GSDMD: variants seen among roughly 807,000 people sequenced by gnomAD.
The protein encoded by GSDMD is gasdermin D.
GSDMD carries 46 observed loss-of-function variants against 46.7 expected under a neutral mutation model. The observed-to-expected ratio is 0.99, with a 90% CI of 0.78 to 1.26. The LOEUF (loss-of-function observed/expected upper bound fraction) is 1.26, where lower values mean the gene tolerates loss of function less well. Ranked by LOEUF, GSDMD falls within the 50% of genes most tolerant of loss-of-function variation. GSDMD has a pLI of 0.00. For synonymous variants in GSDMD, 307 were observed against 283.1 expected, an observed-to-expected ratio of 1.08 and a Z score of -0.85; for missense variants, 649 against 638.8, an observed-to-expected ratio of 1.02 and a Z score of -0.17.
At chr8:143,559,725 G>A in intron 2 of GSDMD, 52 bp from the exon 3 acceptor site, 4 of 1,536,098 alleles carry the variant, frequency 2.6e-6, no homozygotes, top group Non-Finnish European at 2.6e-6. Flanking sequence ...GCTGGTGGGG[G>A]CGGGGGAGAG....
rs555337354 is a variant in GSDMD, at chr8:143,562,368, G to T, written c.1138+18G>T. 9.9e-6 allele frequency: 15 copies of T among 1,516,474 alleles called. No homozygotes were observed. In the Admixed American group the frequency reaches 1.8e-4, roughly 18 times the overall value. 93.9% of individuals were successfully genotyped at this position (1,516,474 alleles called of 1,614,324 possible). A position where few individuals can be genotyped will look rare whatever the true frequency, so the allele number is the denominator to read the frequency against. Reference sequence around the variant, plus strand: ...ACTGACCAGTGAGCGGCCGCTGGGGGCAGGTGGCGGGTGGGAGGGAGGGAG... The same window carrying T: ...ACTGACCAGTGAGCGGCCGCTGGGGTCAGGTGGCGGGTGGGAGGGAGGGAG... On this transcript the variant is annotated intron_variant, in intron 9 of 10. Transcript: ENST00000262580.
chr8:143,554,897 G>C (rs79555316), upstream of GSDMD, among the ~76,000 whole-genome samples: 824 of 152,374 alleles, frequency 5.4e-3, 7 homozygotes, highest in African/African-American at 0.018. Flanking sequence ...AGCTGGACCA[G>C]AGCTAGAAGC....
In GSDMD at chr8:143,562,460, C is replaced by A; in HGVS notation, c.1151C>A (p.Thr384Lys). 1 of 1,608,814 alleles carries A rather than the reference C, an allele frequency of 6.2e-7. No individual in the cohort carries two copies. The highest frequency in any genetic ancestry group is 8.5e-7 in the Non-Finnish European group (1 of 1,179,410). ...LLGALTMLSETQHKLLAEALE... is the reference protein window; with the variant it reads ...LLGALTMLSEKQHKLLAEALE... The stretch of plus-strand genomic sequence containing the variant: ...GACTCTCTCCCAGTGCTGAGTGAAA[C>A]GCAGCACAAGCTGCTGGCGGAGGCG... Residue 384 changes from threonine to lysine, a missense_variant, in exon 10 of 11, where the codon ACG becomes AAG. By Grantham distance (78) the Thr-to-Lys change is moderately conservative. Transcript: ENST00000262580.
At position 143,562,137 on chromosome 8, in the gene GSDMD, C is replaced by T. The variant is rs199942404; in HGVS notation, c.996+6C>T. The T allele has an allele frequency of 2.2e-4, 346 of 1,597,836 alleles. 2 individuals carry two copies. The African/African-American group carries it at 2.8e-3, about 13-fold the overall frequency. On this transcript the variant is annotated splice_donor_region_variant and intron_variant, in intron 8 of 10. Transcript: ENST00000262580. Reference sequence around the variant, plus strand: ...TGCGAGCCTTGGAGGAGGCGGTGAGCGGGGGAGGGTGCCCGGGGCACACAA... The same window carrying T: ...TGCGAGCCTTGGAGGAGGCGGTGAGTGGGGGAGGGTGCCCGGGGCACACAA...
chr8:143,554,012 A>C (rs1488663045), upstream of GSDMD, among the ~76,000 whole-genome samples: 2 of 150,876 alleles, frequency 1.3e-5, 1 homozygote, highest in Non-Finnish European at 3.0e-5. Context: ...GGAGGCCGCC[A>C]CCTCCTGCCG....
At chr8:143,554,272 C>A (rs1327143485), upstream of GSDMD, among the ~76,000 whole-genome samples, 4 of 152,258 alleles carry the variant, frequency 2.6e-5, no homozygotes, top group Non-Finnish European at 5.9e-5. Context: ...CATATAAATG[C>A]AGATGCGTGC....
intron 1 of GSDMD, 52 bp from the exon 2 acceptor site, chr8:143,559,280 T>TTGCCCCC: frequency 3.6e-5 from 21 of 579,402 alleles, no homozygotes; most frequent in Non-Finnish European, 5.5e-5. Flanking sequence ...CTTCTCCCAC[T>TTGCCCCC]CCCTCCCGCC....
intron 6 of GSDMD, 135 bp from the exon 7 acceptor site, chr8:143,561,606 TC>T: frequency 1.1e-6 from 1 of 930,894 alleles, no homozygotes; most frequent in East Asian, 2.6e-5. Context: ...CTCCCCAGCC[TC>T]CCTTCCTGCC....
intron 1 of GSDMD, 157 bp downstream of exon 1, chr8:143,558,608 G>C: frequency 1.4e-6 from 1 of 736,620 alleles, no homozygotes; most frequent in Non-Finnish European, 2.1e-6. Flanking sequence ...CTTCGGGAAA[G>C]GCTGCCCCTG....
At position 143,562,325 on chromosome 8, in the gene GSDMD, T is replaced by C; in HGVS notation, c.1113T>C (p.Val371=). 6.5e-7 allele frequency: 1 copy of C among 1,539,140 alleles called. No homozygotes were observed. The highest frequency in any genetic ancestry group is 1.7e-4 in the Middle Eastern group (1 of 5,858). ...GMLVPELAIP[V]VYLLGALTML... is the part of the protein sequence containing the mutation. ...TGGTGCCGGAACTCGCTATCCCTGT[T>C]GTCTACCTGCTGGGGGCACTGACCA... Residue 371 remains valine, a synonymous_variant, in exon 9 of 11, where the codon GTT becomes GTC. Transcript: ENST00000262580.
Position 143,561,362 on chromosome 8 carries a change from G to A in GSDMD, c.683-8G>A. ...GCCTGTCCCTGTCTGCTCCCGTCTG[G>A]CTGCCAGACGTCCTTCTCTTCCCGG... On this transcript the variant is annotated splice_region_variant and splice_polypyrimidine_tract_variant and intron_variant, in intron 5 of 10. Transcript: ENST00000262580. 1.2e-6 allele frequency: 2 copies of A among 1,603,898 alleles called. No homozygotes were observed. The highest frequency in any genetic ancestry group is 1.7e-5 in the Admixed American group (1 of 59,070).
rs577037853 is a variant in GSDMD, at chr8:143,561,372, G to T, written c.685G>T (p.Val229Phe). Residue 229 changes from valine (V) to phenylalanine (F), a missense_variant and splice_region_variant, in exon 6 of 11, where the codon GTC becomes TTC. Transcript: ENST00000262580. ...GTCTGCTCCCGTCTGGCTGCCAGAC[G>T]TCCTTCTCTTCCCGGATAAGAAGCA... ...AQLVIDSDLDVLLFPDKKQRT... is the reference protein window; with the variant it reads ...AQLVIDSDLDFLLFPDKKQRT... 13 of 1,608,668 alleles carry T rather than the reference G, an allele frequency of 8.1e-6. No individual in the cohort carries two copies. The East Asian group carries it at 2.5e-4, about 30-fold the overall frequency.
chr8:143,557,696 G>A (rs1426002234), upstream of GSDMD, among the ~76,000 whole-genome samples: 6 of 152,346 alleles, frequency 3.9e-5, no homozygotes, highest in Non-Finnish European at 8.8e-5. Flanking sequence ...GTGACTCCAC[G>A]TGCCCCCCGC....
At chr8:143,554,437 CACA>C (rs139689040), upstream of GSDMD, among the ~76,000 whole-genome samples, 72 of 149,898 alleles carry the variant, frequency 4.8e-4, no homozygotes, top group East Asian at 0.013. Flanking sequence ...CACAAACATG[CACA>C]AAACACGGAC....
At chr8:143,559,282 C>A in intron 1 of GSDMD, 50 bp from the exon 2 acceptor site, 6 of 436,030 alleles carry the variant, frequency 1.4e-5, no homozygotes, top group South Asian at 1.8e-5. Context: ...TCTCCCACTC[C>A]CTCCCGCCCG....
chr8:143,559,240 C>G, intron 1 of GSDMD, 92 bp from the exon 2 acceptor site: 2 of 796,036 alleles, frequency 2.5e-6, no homozygotes, highest in East Asian at 2.7e-5. Flanking sequence ...GAAGGAGTCC[C>G]CCATCATGGG....
At position 143,560,729 on chromosome 8, in the gene GSDMD, G is replaced by A. The variant is rs923846353; in HGVS notation, c.537G>A (p.Glu179=). 3 of 1,567,648 alleles carry A rather than the reference G, an allele frequency of 1.9e-6. No individual in the cohort carries two copies. In the African/African-American group the frequency reaches 4.1e-5, roughly 21 times the overall value. The change falls in exon 4 of 11, where the codon GAG becomes GAA. Residue 179 remains glutamate, a synonymous_variant. Coordinates refer to ENST00000262580, the MANE Select transcript of GSDMD (RefSeq NM_024736.7). The stretch of plus-strand genomic sequence containing the variant: ...AAGTCACGCGCACCCACAAGCGGGA[G>A]GGCTCGGGCCGGTTTTCCCTGCCCG... The part of the protein sequence containing the change: ...EVEVTRTHKR[E]GSGRFSLPGA...
chr8:143,560,196 C>T (rs1563905484), intron 3 of GSDMD: 1 of 698,868 alleles, frequency 1.4e-6, no homozygotes, highest in Non-Finnish European at 2.6e-6. Context: ...TTGGGAAGGT[C>T]ACAACCTTGG....
At chr8:143,558,293 G>A (rs1184896853), upstream of GSDMD, 10 of 1,492,998 alleles carry the variant, frequency 6.7e-6, no homozygotes, top group South Asian at 1.3e-5. Context: ...GGCCGGGGCG[G>A]GCTCTCCGGG....
Sources: allele counts gnomAD v4.1 joint callset (sites outside exome capture counted in the v4.1 genomes callset), GRCh38; gene constraint gnomAD v4.1.1; transcripts MANE v1.5; gene names NCBI Gene and HGNC (gene_info 2026-07-23, HGNC 2026-07-21).